The following MYH14 variants were observed in gnomAD, a reference collection of about 807,000 sequenced individuals.
MYH14 encodes the protein myosin heavy chain 14.
Under a neutral mutation model 255.5 loss-of-function variants are expected in MYH14, and 123 were observed. The observed-to-expected ratio is 0.48, with a 90% CI of 0.42 to 0.56. The LOEUF is 0.56. MYH14 is among the 20% of genes least tolerant of loss of function. The pLI, the probability that MYH14 is intolerant of heterozygous loss-of-function variation, is 0.00. For synonymous variants in MYH14, 1,095 were observed against 1,161.2 expected, an observed-to-expected ratio of 0.94 and a Z score of 1.16; for missense variants, 2,423 against 2,802.3, an observed-to-expected ratio of 0.86 and a Z score of 3.06.
rs1413679686 is a variant in MYH14 at position 50,293,007 on chromosome 19, A to G, written c.5257-226A>G. Reference sequence around the variant, plus strand: ...AGGACCTGTGTGCAGTAAAAGGTGGAGAGGGTGAGGGGCCTGGGGGTTGGG... The same window carrying G: ...AGGACCTGTGTGCAGTAAAAGGTGGGGAGGGTGAGGGGCCTGGGGGTTGGG... On this transcript the variant is annotated intron_variant, in intron 37 of 42. Transcript: ENST00000642316. This position sits in a 1 kb window ranked among gnomAD's most constrained non-coding sequence, Gnocchi z 4.1. Among the ~76,000 whole-genome samples the G allele has an allele frequency of 6.6e-6, 1 of 151,504 alleles. No homozygotes were observed. Among genetic ancestry groups the G allele is most frequent in the East Asian group, 1.9e-4 (1 of 5,160 alleles).
chr19:50,239,299 G>A (rs1029805084), intron 10 of MYH14, among the ~76,000 whole-genome samples: 15 of 152,224 alleles, frequency 9.9e-5, no homozygotes, highest in African/African-American at 3.6e-4. Context: ...GATTACAGGC[G>A]TGAGCCACCG....
Position 50,301,796 on chromosome 19 carries a change from C to A in MYH14, c.5605C>A (p.Arg1869Ser). The A allele has an allele frequency of 1.2e-6, 2 of 1,613,802 alleles. No homozygotes were observed. Among genetic ancestry groups the A allele is most frequent in the Non-Finnish European group, 8.5e-7 (1 of 1,179,868 alleles). Residue 1869 changes from arginine to serine, a missense_variant, in exon 40 of 43, where the codon CGC (arginine) becomes AGC (serine). Transcript: ENST00000642316. ...LGEEDAGARARHKMTIAALES... is the reference protein window; with the variant it reads ...LGEEDAGARASHKMTIAALES... ...TGAGGAGGATGCTGGGGCCCGTGCC[C>A]GCCACAAGATGACCATTGCTGCCCT...
intron 20 of MYH14, 53 bp downstream of exon 20, chr19:50,260,768 T>C: frequency 1.6e-6 from 2 of 1,259,170 alleles, no homozygotes; most frequent in South Asian, 1.3e-5. Flanking sequence ...TGTGCGTGCA[T>C]GAGTGTGCGT....
intron 39 of MYH14, among the ~76,000 whole-genome samples, chr19:50,297,933 G>A (rs2036335494): frequency 6.6e-6 from 1 of 152,044 alleles, no homozygotes; most frequent in Admixed American, 6.6e-5. Context: ...GTTCTGAGTG[G>A]ACATGAATTT....
chr19:50,255,767 A>G (rs1261192795), intron 17 of MYH14, among the ~76,000 whole-genome samples: 1 of 151,940 alleles, frequency 6.6e-6, no homozygotes, highest in Non-Finnish European at 1.5e-5. Context: ...TTAATAAATG[A>G]TAATTATCAT....
chr19:50,286,262 A>G, intron 33 of MYH14: 2 of 458,610 alleles, frequency 4.4e-6, no homozygotes, highest in Non-Finnish European at 3.9e-6. Flanking sequence ...CTTCTGTTGA[A>G]CATATAGAGT....
At chr19:50,309,583 C>T in intron 42 of MYH14, 57 bp from the exon 43 acceptor site, 3 of 1,000,838 alleles carry the variant, frequency 3.0e-6, no homozygotes, top group South Asian at 1.4e-5. Flanking sequence ...CTCCCCCTTT[C>T]TCCTCCCCTC....
At chr19:50,229,374 G>A (rs1242654186) in intron 8 of MYH14, among the ~76,000 whole-genome samples, 12 of 152,134 alleles carry the variant, frequency 7.9e-5, no homozygotes, top group South Asian at 2.1e-4. Context: ...TTGGCTGGGC[G>A]CAGTGGCTCA....
Position 50,249,640 on chromosome 19 carries a change from G to A in MYH14, c.1483-10G>A, listed in dbSNP as rs73061136. ...CATCCTCCCAGCTCACGTGTCCTGC[G>A]TCCCTGCAGCTGAACTCCTTCGAGC... On this transcript the variant is annotated splice_polypyrimidine_tract_variant and intron_variant, in intron 13 of 42. Coordinates refer to ENST00000642316, the MANE Select transcript of MYH14 (RefSeq NM_001145809.2). The A allele has an allele frequency of 0.069, 107,339 of 1,556,084 alleles. 4,604 individuals are homozygous for A. The highest frequency in any genetic ancestry group is 0.2 in the Admixed American group (11,034 of 55,824).
At chr19:50,267,195 T>C (rs1013686250) in intron 23 of MYH14, among the ~76,000 whole-genome samples, 187 bp downstream of exon 23, 5 of 151,524 alleles carry the variant, frequency 3.3e-5, no homozygotes, top group African/African-American at 1.2e-4. Flanking sequence ...TTTAGTTTGG[T>C]TGAGTCGTGA....
intron 42 of MYH14, 80 bp from the exon 43 acceptor site, chr19:50,309,560 A>ATCTC (rs2036778065): frequency 1.6e-6 from 1 of 624,258 alleles, no homozygotes; most frequent in African/African-American, 3.0e-5. Flanking sequence ...TCTCCCCCTC[A>ATCTC]TCTCTCTCTC....
intron 1 of MYH14, among the ~76,000 whole-genome samples, chr19:50,209,396 C>G (rs891673042): frequency 6.6e-6 from 1 of 152,068 alleles, no homozygotes; most frequent in Non-Finnish European, 1.5e-5. Context: ...GCCTGCAATC[C>G]CAGCACTTTG....
chr19:50,203,870 C>T (rs2031586358), intron 1 of MYH14, among the ~76,000 whole-genome samples, 199 bp downstream of exon 1: 1 of 152,132 alleles, frequency 6.6e-6, no homozygotes, highest in South Asian at 2.1e-4. Flanking sequence ...GTCTACACTC[C>T]CCCAACTCCA....
At chr19:50,284,154 A>C (rs2035814830) in intron 33 of MYH14, among the ~76,000 whole-genome samples, 1 of 152,122 alleles carries the variant, frequency 6.6e-6, no homozygotes, top group Admixed American at 6.5e-5. Flanking sequence ...GTTCTTTATC[A>C]GATATATGCT....
At position 50,260,758 on chromosome 19, in the gene MYH14, T is replaced by TGTGC. The variant is rs749717747; in HGVS notation, c.2424+48_2424+51dup. ...TGGAATGCGTGTGTGCGTGTGTGTG[T>TGTGC]GTGCGTGCATGAGTGTGCGTGCATG... On this transcript the variant is annotated intron_variant, in intron 20 of 42. Coordinates refer to ENST00000642316, the MANE Select transcript of MYH14 (RefSeq NM_001145809.2). 2.5e-5 allele frequency: 36 copies of TGTGC among 1,452,130 alleles called. 1 individual carries two copies. In the African/African-American group the frequency reaches 3.0e-4, roughly 12 times the overall value. 90.0% of individuals were successfully genotyped at this position (1,452,130 alleles called of 1,614,324 possible). A position where few individuals can be genotyped will look rare whatever the true frequency, so the allele number is the denominator to read the frequency against.
At chr19:50,248,249 T>C (rs2080004127) in intron 12 of MYH14, among the ~76,000 whole-genome samples, 3 of 151,712 alleles carry the variant, frequency 2.0e-5, no homozygotes, top group Admixed American at 2.0e-4. Flanking sequence ...GCCATTGAGG[T>C]TTTAAGCCAG....
chr19:50,256,529 A>G (rs1361892068), intron 17 of MYH14, among the ~76,000 whole-genome samples: 1 of 152,108 alleles, frequency 6.6e-6, no homozygotes, highest in Non-Finnish European at 1.5e-5. Flanking sequence ...GTGCCACCAC[A>G]CCTGGCTTAA....
At chr19:50,255,376 T>A in intron 17 of MYH14, 58 bp downstream of exon 17, 1 of 1,337,740 alleles carries the variant, frequency 7.5e-7, no homozygotes, top group Non-Finnish European at 1.0e-6. Context: ...GTGGACCTGT[T>A]GGGCTGGGGA....
At chr19:50,214,790 C>T (rs559834468) in intron 2 of MYH14, among the ~76,000 whole-genome samples, 10 of 152,134 alleles carry the variant, frequency 6.6e-5, no homozygotes, top group African/African-American at 2.2e-4. Flanking sequence ...CACCCGCCCC[C>T]GTCCAAAAAA....
Sources: allele counts gnomAD v4.1 joint callset (sites outside exome capture counted in the v4.1 genomes callset), GRCh38; gene constraint gnomAD v4.1.1; non-coding constraint Gnocchi (gnomAD v3.1); transcripts MANE v1.5; gene names NCBI Gene and HGNC (gene_info 2026-07-23, HGNC 2026-07-21).